Variants in RAD50 observed in about 807,000 individuals in gnomAD.
RAD50 encodes DNA repair protein RAD50.
RAD50 carries 132 observed loss-of-function variants against 168.8 expected under a neutral mutation model. The observed-to-expected ratio is 0.78, with a 90% confidence interval of 0.68 to 0.90. RAD50 has a LOEUF of 0.90. Among genes scored for constraint, RAD50 ranks in the 40% least tolerant of loss-of-function variants. The pLI is 0.00. For missense variants in RAD50, 1,347 were observed against 1,534.4 expected (o/e 0.88, Z 2.04); for synonymous variants, 525 against 497.4 (o/e 1.06, Z -0.74).
intron 2 of RAD50, among the ~76,000 whole-genome samples, chr5:132,560,893 A>G (rs1421109746): frequency 3.9e-5 from 6 of 152,218 alleles, no homozygotes; most frequent in Admixed American, 3.3e-4. Flanking sequence ...TTCAAAATTC[A>G]TAAGATTTGT....
At chr5:132,620,690 G>A (rs886108841) in intron 21 of RAD50, among the ~76,000 whole-genome samples, 1 of 152,052 alleles carries the variant, frequency 6.6e-6, no homozygotes, top group African/African-American at 2.4e-5. Flanking sequence ...GGGACACTAA[G>A]CCCCCCACGC....
At position 132,638,579 on chromosome 5, in the gene RAD50, A is replaced by C. The variant is rs566771331; in HGVS notation, c.3618+356A>C. On this transcript the variant is annotated intron_variant, in intron 23 of 24. Transcript: ENST00000378823. ...ACTATTTTATGTGCCAGCAGGAATG[A>C]AAAAATGCAATTATAACCATAAGAT... Among the ~76,000 whole-genome samples the C allele has an allele frequency of 1.2e-3, 177 of 152,364 alleles. 1 individual carries two copies. Among genetic ancestry groups the C allele is most frequent in the African/African-American group, 4.1e-3 (170 of 41,594 alleles).
chr5:132,585,591 C>CT (rs1207946233), intron 5 of RAD50, among the ~76,000 whole-genome samples: 2,033 of 113,564 alleles, frequency 0.018, 45 homozygotes, highest in Non-Finnish European at 0.027. Flanking sequence ...TGTGAGAGTT[C>CT]TTTTTTTTTT....
chr5:132,635,084 G>A (rs1326023987), intron 21 of RAD50, among the ~76,000 whole-genome samples: 1 of 152,098 alleles, frequency 6.6e-6, no homozygotes, highest in East Asian at 1.9e-4. Flanking sequence ...AACTGAGTCT[G>A]GTGGCTTTAA....
intron 16 of RAD50, among the ~76,000 whole-genome samples, chr5:132,606,327 A>G (rs1237152592): frequency 1.3e-5 from 2 of 152,252 alleles, no homozygotes; most frequent in Non-Finnish European, 2.9e-5. Context: ...AACTACCATC[A>G]GAGAATACTA....
intron 21 of RAD50, among the ~76,000 whole-genome samples, chr5:132,632,602 G>T (rs1303098699): frequency 6.6e-6 from 1 of 151,894 alleles, no homozygotes; most frequent in Non-Finnish European, 1.5e-5. Flanking sequence ...AACCACTATT[G>T]AACATATTAG....
intron 21 of RAD50, among the ~76,000 whole-genome samples, chr5:132,621,086 G>T (rs559686206): frequency 2.6e-4 from 39 of 152,222 alleles, no homozygotes; most frequent in Admixed American, 1.4e-3. Flanking sequence ...TTAGTTATTT[G>T]AGTGTTTACT....
At position 132,609,139 on chromosome 5, in the gene RAD50, T is replaced by C. The variant is rs1751037683; in HGVS notation, c.2852T>C (p.Val951Ala). 2 of 1,611,764 alleles carry C rather than the reference T, an allele frequency of 1.2e-6. No individual in the cohort carries two copies. Among genetic ancestry groups the C allele is most frequent in the Non-Finnish European group, 1.7e-6 (2 of 1,179,000 alleles). The change falls in exon 18 of 25, where the codon GTT becomes GCT. Residue 951 changes from valine to alanine, a missense_variant. Around this residue, in one of 3 missense-constraint regions of RAD50, gnomAD observed 635 missense variants for 739.2 expected, o/e 0.86. Coordinates refer to ENST00000378823, the MANE Select transcript of RAD50 (RefSeq NM_005732.4). ...QDKLNDIKEK[V>A]KNIHGYMKDI... ...CAGCTGAATGATATTAAAGAGAAGG[T>C]TAAAAATATTCATGGCTATATGAAA...
chr5:132,575,079 C>T (rs1323354850), intron 2 of RAD50, among the ~76,000 whole-genome samples: 1 of 152,182 alleles, frequency 6.6e-6, no homozygotes, highest in Non-Finnish European at 1.5e-5. Context: ...AACTTTTCAG[C>T]AGCACTCCAC....
Position 132,594,907 on chromosome 5 carries a change from T to C in RAD50, c.1832T>C (p.Ile611Thr), listed in dbSNP as rs587782890. 11 of 1,606,520 alleles carry C rather than the reference T, an allele frequency of 6.8e-6. No homozygotes were observed. In the African/African-American group the frequency reaches 8.0e-5, roughly 12 times the overall value. ...LASSEQNKNHINNELKRKEEQ... is the reference protein window; with the variant it reads ...LASSEQNKNHTNNELKRKEEQ... ...TCATCTGAGCAGAATAAAAATCATA[T>C]AAATAATGAACTAAAAAGAAAGGAA... is the stretch of plus-strand genomic sequence containing the variant. Residue 611 changes from isoleucine to threonine, a missense_variant, in exon 12 of 25, where the codon ATA becomes ACA. Ile to Thr is a moderately conservative substitution (Grantham distance 89). This residue lies in a region of RAD50 where 703 missense variants were observed against 767.7 expected (regional missense o/e 0.92). Transcript: ENST00000378823.
At chr5:132,612,040 A>C (rs1381342834) in intron 19 of RAD50, among the ~76,000 whole-genome samples, 1 of 152,216 alleles carries the variant, frequency 6.6e-6, no homozygotes, top group Non-Finnish European at 1.5e-5. Flanking sequence ...AATTGAAAAC[A>C]TATGTTCCCA....
chr5:132,598,572 C>T (rs1041142115), intron 13 of RAD50, among the ~76,000 whole-genome samples: 7 of 151,970 alleles, frequency 4.6e-5, no homozygotes, highest in Non-Finnish European at 8.8e-5. Context: ...TGGGGTCTTA[C>T]GGTTGCAGTC....
intron 2 of RAD50, among the ~76,000 whole-genome samples, chr5:132,568,936 T>G (rs543412411): frequency 1.8e-4 from 28 of 152,192 alleles, no homozygotes; most frequent in African/African-American, 6.5e-4. Context: ...ACAACAAAGG[T>G]TCAAAAGAAT....
At position 132,588,630 on chromosome 5, in the gene RAD50, A is replaced by G. The variant is rs967669419; in HGVS notation, c.1052-57A>G. ...TTTTATAACTCGTGAATCTGCAGCTATCTCAACTTTTTAAGCACCAGTTGA... is the reference window on the plus strand; with the variant it reads ...TTTTATAACTCGTGAATCTGCAGCTGTCTCAACTTTTTAAGCACCAGTTGA... On this transcript the variant is annotated intron_variant, in intron 7 of 24. Transcript: ENST00000378823. The G allele has an allele frequency of 2.8e-5, 42 of 1,485,154 alleles. No individual in the cohort carries two copies. The Admixed American group carries it at 6.6e-4, about 23-fold the overall frequency. 92.0% of individuals were successfully genotyped at this position (1,485,154 alleles called of 1,614,324 possible).
chr5:132,578,524 CTTTTTTT>C (rs903882684), intron 3 of RAD50, among the ~76,000 whole-genome samples: 67 of 84,336 alleles, frequency 7.9e-4, no homozygotes, highest in Admixed American at 2.4e-3. Flanking sequence ...TTTTTTCTTT[CTTTTTTT>C]TTTTTTTTTT....
chr5:132,619,821 T>TACTC (rs1273487762), intron 21 of RAD50, among the ~76,000 whole-genome samples: 50 of 132,266 alleles, frequency 3.8e-4, no homozygotes, highest in African/African-American at 1.3e-3. Context: ...TACTCCTCTC[T>TACTC]CTCTCTCTCT....
chr5:132,590,453 G>C (rs1750678357), intron 9 of RAD50, among the ~76,000 whole-genome samples: 1 of 152,180 alleles, frequency 6.6e-6, no homozygotes, highest in Non-Finnish European at 1.5e-5. Flanking sequence ...CTGGGTGACA[G>C]AGTGGGACTC....
At chr5:132,613,017 G>A (rs1399078743) in intron 19 of RAD50, among the ~76,000 whole-genome samples, 1 of 151,622 alleles carries the variant, frequency 6.6e-6, no homozygotes, top group Admixed American at 6.6e-5. Flanking sequence ...TAGAAGTGGT[G>A]TTATTCCCAG....
intron 7 of RAD50, 52 bp from the exon 8 acceptor site, chr5:132,588,635 A>T: frequency 6.5e-7 from 1 of 1,529,010 alleles, no homozygotes; most frequent in Admixed American, 1.8e-5. Context: ...CAGCTATCTC[A>T]ACTTTTTAAG....
Sources: allele counts gnomAD v4.1 joint callset (sites outside exome capture counted in the v4.1 genomes callset), GRCh38; gene constraint gnomAD v4.1.1; regional missense constraint gnomAD v4.1.1; transcripts MANE v1.5; gene names NCBI Gene and HGNC (gene_info 2026-07-23, HGNC 2026-07-21).